VWF: variants seen among roughly 807,000 people sequenced by gnomAD.
VWF encodes Factor VIII related antigen.
In VWF, 176 loss-of-function variants were observed where a neutral mutation model predicts 308.6. The observed-to-expected ratio is 0.57, with a 90% CI of 0.50 to 0.65. The LOEUF (loss-of-function observed/expected upper bound fraction) is 0.65, where lower values mean the gene tolerates loss of function less well. VWF is among the 30% of genes least tolerant of loss of function. The probability of loss-of-function intolerance (pLI) is 0.00; values close to 1 mark genes in which losing one functional copy is unlikely to be tolerated. For missense variants in VWF, 3,146 were observed against 3,648.2 expected, an observed-to-expected ratio of 0.86 and a Z score of 3.55; for synonymous variants, 1,385 against 1,443.4, an observed-to-expected ratio of 0.96 and a Z score of 0.92.
At position 5,969,341 on chromosome 12, in the gene VWF, A is replaced by C. The variant is rs61751295; in HGVS notation, c.7599T>G (p.Cys2533Trp). ...TAAAGACCTCCTCCTTCACTCGGAC[A>C]CACTCATTGATGAGGCAGGGGTTCT... The part of the protein sequence containing the change: ...SPENPCLINE[C>W]VRVKEEVFIQ... Residue 2533 changes from cysteine to tryptophan, a missense_variant, in exon 45 of 52, where the codon TGT (cysteine) becomes TGG (tryptophan). Transcript: ENST00000261405. 1 of 1,614,240 alleles carries C rather than the reference A, an allele frequency of 6.2e-7. No homozygotes were observed. The highest frequency in any genetic ancestry group is 8.5e-7 in the Non-Finnish European group (1 of 1,180,044).
chr12:6,103,308 CAG>C (rs1945188706), intron 5 of VWF, among the ~76,000 whole-genome samples: 1 of 151,374 alleles, frequency 6.6e-6, no homozygotes, highest in Non-Finnish European at 1.5e-5. Context: ...GCCTGGGCAA[CAG>C]AGCGAGACTC....
chr12:5,949,343 C>T (rs1217648406), intron 51 of VWF, 140 bp from the exon 52 acceptor site: 7 of 805,310 alleles, frequency 8.7e-6, no homozygotes, highest in Non-Finnish European at 1.2e-5. Flanking sequence ...CCCAGGACAG[C>T]TAGGCAATTT....
chr12:6,031,642 T>C (rs1213531211), intron 20 of VWF, 64 bp from the exon 21 acceptor site: 29 of 1,612,008 alleles, frequency 1.8e-5, no homozygotes, highest in Non-Finnish European at 2.3e-5. Context: ...GACCAGAAGA[T>C]TGGCATCTCT....
intron 34 of VWF, among the ~76,000 whole-genome samples, chr12:5,997,513 G>C (rs531211001): frequency 1.3e-3 from 201 of 152,208 alleles, no homozygotes; most frequent in Non-Finnish European, 2.2e-3. Context: ...CTGTGACCTT[G>C]GATCAGTTAC....
chr12:6,059,554 G>GT (rs1470970774), intron 13 of VWF, among the ~76,000 whole-genome samples: 2 of 152,184 alleles, frequency 1.3e-5, no homozygotes, highest in Admixed American at 6.5e-5. Flanking sequence ...TTGGTGTCTG[G>GT]TGAGGACCCT....
At chr12:6,040,399 G>T (rs991063138) in intron 18 of VWF, among the ~76,000 whole-genome samples, 7 of 152,090 alleles carry the variant, frequency 4.6e-5, no homozygotes, top group African/African-American at 1.7e-4. Context: ...ATTCCCTGCA[G>T]CATCTCTGTT....
In VWF at chr12:6,054,561, T is replaced by C. The variant is rs546506174; in HGVS notation, c.1946-1778A>G. 3.9e-5 allele frequency among the ~76,000 whole-genome samples: 6 copies of C among 152,324 alleles called. No homozygotes were observed. The South Asian group carries it at 1.2e-3, about 32-fold the overall frequency. On this transcript the variant is annotated intron_variant, in intron 15 of 51. Coordinates refer to ENST00000261405, the MANE Select transcript of VWF (RefSeq NM_000552.5). ...CACATCTCAGTTTAGCAGACACTTC[T>C]TGTGTATCCACTGCATGCCAGGGGC...
rs1408242576 is a variant in VWF, at chr12:5,980,090, G to T, written c.7287+1696C>A. Among the ~76,000 whole-genome samples, 4 of 61,894 alleles carry T rather than the reference G, an allele frequency of 6.5e-5. No homozygotes were observed. In the East Asian group the frequency reaches 2.1e-3, roughly 32 times the overall value. The allele number at this position is 61,894 out of a possible 152,430, so 40.6% of individuals were successfully genotyped here. On this transcript the variant is annotated intron_variant, in intron 42 of 51. Transcript: ENST00000261405. ...AAAAGAAAGAAAGAAAGAAAAGAAA[G>T]AAAGGAAGGAAGGAAGGAAGGAAGG...
chr12:5,967,685 C>T (rs1273210749), intron 46 of VWF, 83 bp from the exon 47 acceptor site: 23 of 1,252,836 alleles, frequency 1.8e-5, no homozygotes, highest in African/African-American at 5.9e-5. Context: ...GTCTCCTGCC[C>T]ACCCACCCAT....
chr12:6,096,126 TGG>T (rs1565388180), intron 5 of VWF, among the ~76,000 whole-genome samples: 2 of 144,858 alleles, frequency 1.4e-5, no homozygotes. Flanking sequence ...GATGGATGGA[TGG>T]ATGGATGGAT....
At chr12:6,091,692 A>G (rs2136494208) in intron 6 of VWF, among the ~76,000 whole-genome samples, 1 of 152,256 alleles carries the variant, frequency 6.6e-6, no homozygotes, top group Admixed American at 6.5e-5. Context: ...TACAGGTATG[A>G]GCCACCGCAC....
At chr12:5,989,902 C>T (rs188998204) in intron 38 of VWF, among the ~76,000 whole-genome samples, 25 of 152,284 alleles carry the variant, frequency 1.6e-4, no homozygotes, top group Non-Finnish European at 2.9e-4. Flanking sequence ...TCTGAAATTA[C>T]CACAGGTTTC....
chr12:6,100,167 G>GAA (rs1170064643), intron 5 of VWF, among the ~76,000 whole-genome samples: 1 of 152,012 alleles, frequency 6.6e-6, no homozygotes, highest in African/African-American at 2.4e-5. Flanking sequence ...GGCCATCAGA[G>GAA]AAATGCAAAT....
chr12:5,995,344 A>G (rs1425349025), intron 35 of VWF, among the ~76,000 whole-genome samples: 1 of 152,112 alleles, frequency 6.6e-6, no homozygotes, highest in African/African-American at 2.4e-5. Flanking sequence ...TTGATTTTTT[A>G]ATTTTTGGCT....
At chr12:5,961,962 T>TAA (rs35115059) in intron 47 of VWF, among the ~76,000 whole-genome samples, 175 of 145,562 alleles carry the variant, frequency 1.2e-3, no homozygotes, top group Middle Eastern at 3.6e-3. Flanking sequence ...TGCTGTTATT[T>TAA]AAAAAAAAAA....
At chr12:6,032,358 G>A (rs1488377721) in intron 20 of VWF, among the ~76,000 whole-genome samples, 6 of 150,656 alleles carry the variant, frequency 4.0e-5, no homozygotes, top group Admixed American at 2.0e-4. Context: ...AGAAAAAAGA[G>A]GCCGGGCATG....
chr12:5,984,951 G>T, intron 40 of VWF, 94 bp downstream of exon 40: 1 of 1,350,450 alleles, frequency 7.4e-7, no homozygotes, highest in Non-Finnish European at 1.1e-6. Context: ...CACACCCTGT[G>T]CCTGAGAACA....
Position 5,954,111 on chromosome 12 carries a change from C to T in VWF, c.7888-517G>A, listed in dbSNP as rs766744434. Among the ~76,000 whole-genome samples, 22 of 152,190 alleles carry T rather than the reference C, an allele frequency of 1.4e-4. 1 individual carries two copies. The highest frequency in any genetic ancestry group is 7.4e-5 in the Non-Finnish European group (5 of 68,026). On this transcript the variant is annotated intron_variant, in intron 47 of 51. Transcript: ENST00000261405. ...ATCCATTGCTTGTCATGACCAGTCT[C>T]CTCTTTCATCATTGAGTCTAAATAA...
At chr12:6,052,135 A>G (rs1944521831) in intron 16 of VWF, among the ~76,000 whole-genome samples, 3 of 152,210 alleles carry the variant, frequency 2.0e-5, no homozygotes, top group African/African-American at 7.2e-5. Context: ...GCAATGCCCC[A>G]TGGAGGCAGC....
Sources: allele counts gnomAD v4.1 joint callset (sites outside exome capture counted in the v4.1 genomes callset), GRCh38; gene constraint gnomAD v4.1.1; transcripts MANE v1.5; gene names NCBI Gene and HGNC (gene_info 2026-07-23, HGNC 2026-07-21).